SHANK2: variants seen among roughly 807,000 people sequenced by gnomAD.
SHANK2 encodes the protein SH3 and multiple ankyrin repeat domains 2, also known as SH3 and multiple ankyrin repeat domains protein 2.
In SHANK2, 43 loss-of-function variants were observed where a neutral mutation model predicts 133.7. The observed-to-expected ratio is 0.32, with a 90% CI of 0.25 to 0.41. The LOEUF (loss-of-function observed/expected upper bound fraction) is 0.41. SHANK2 is among the 10% of genes least tolerant of loss of function. The pLI is 1.00. For missense variants in SHANK2, 1,994 were observed against 2,235.8 expected (o/e 0.89, Z 2.18); for synonymous variants, 1,017 against 952.8 (o/e 1.07, Z -1.24).
At chr11:70,600,345 G>A (rs1213178075) in intron 17 of SHANK2, among the ~76,000 whole-genome samples, 1 of 150,174 alleles carries the variant, frequency 6.7e-6, no homozygotes, top group Non-Finnish European at 1.5e-5. Flanking sequence ...CTTGAACCTG[G>A]GAGGCGGAGG....
At chr11:70,657,613 G>T (rs538240831) in intron 17 of SHANK2, among the ~76,000 whole-genome samples, 1 of 152,154 alleles carries the variant, frequency 6.6e-6, no homozygotes, top group African/African-American at 2.4e-5. Flanking sequence ...GAGCAGCCTC[G>T]TAGGGCTGTG....
At chr11:70,711,566 C>A (rs922612897) in intron 14 of SHANK2, among the ~76,000 whole-genome samples, 3 of 152,234 alleles carry the variant, frequency 2.0e-5, no homozygotes, top group Admixed American at 6.5e-5. Context: ...TAGGAGTGTG[C>A]GGGGCTTGGA....
At chr11:70,531,399 G>T (rs2059468540) in intron 17 of SHANK2, among the ~76,000 whole-genome samples, 1 of 152,218 alleles carries the variant, frequency 6.6e-6, no homozygotes, top group African/African-American at 2.4e-5. Context: ...GCGCCCGGGG[G>T]CCTGAGCCTG....
At chr11:71,186,282 C>T (rs908131039) in intron 2 of SHANK2, among the ~76,000 whole-genome samples, 2 of 152,238 alleles carry the variant, frequency 1.3e-5, no homozygotes, top group Non-Finnish European at 1.5e-5. Flanking sequence ...CTCACCCCTA[C>T]TCCTGGAACC....
intron 17 of SHANK2, among the ~76,000 whole-genome samples, chr11:70,504,097 C>T (rs187074542): frequency 1.8e-4 from 27 of 152,332 alleles, no homozygotes; most frequent in Admixed American, 7.8e-4. Context: ...CTGCTTCACA[C>T]GCCACCTTCG....
chr11:70,523,831 C>T lies in SHANK2; in HGVS notation c.2062-20900G>A, dbSNP rs558557282. Reference sequence around the variant, plus strand: ...GAAGAGCATCATATGGAGGCAGAGTCGGAGAGCTGGGGTAGCTTCCTCTGA... The same window carrying T: ...GAAGAGCATCATATGGAGGCAGAGTTGGAGAGCTGGGGTAGCTTCCTCTGA... On this transcript the variant is annotated intron_variant, in intron 17 of 25. Transcript: ENST00000601538. Among the ~76,000 whole-genome samples, 7 of 152,246 alleles carry T rather than the reference C, an allele frequency of 4.6e-5. No homozygotes were observed. In the East Asian group the frequency reaches 5.8e-4, roughly 13 times the overall value.
chr11:71,250,130 G>GA (rs1555125612), intron 1 of SHANK2, among the ~76,000 whole-genome samples: 1 of 151,856 alleles, frequency 6.6e-6, no homozygotes, highest in African/African-American at 2.4e-5. Flanking sequence ...CCGGGGGTGG[G>GA]GGGGAATCTA....
chr11:70,931,619 G>A (rs1002251314), intron 10 of SHANK2, among the ~76,000 whole-genome samples: 39 of 152,324 alleles, frequency 2.6e-4, no homozygotes, highest in African/African-American at 7.5e-4. Context: ...CCAGCCCTTC[G>A]TAGGTCATCT....
intron 14 of SHANK2, among the ~76,000 whole-genome samples, chr11:70,740,055 C>T (rs1216639302): frequency 6.6e-6 from 1 of 151,832 alleles, no homozygotes; most frequent in African/African-American, 2.4e-5. Context: ...GCTCCGTCCA[C>T]AGCACCTAGG....
At chr11:71,153,095 AG>A (rs1284756507) in intron 2 of SHANK2, among the ~76,000 whole-genome samples, 2 of 152,170 alleles carry the variant, frequency 1.3e-5, no homozygotes, top group African/African-American at 2.4e-5. Context: ...TGGGAGAGCC[AG>A]GGGGGCTGGG....
At chr11:70,673,258 A>T (rs1020180067) in intron 15 of SHANK2, among the ~76,000 whole-genome samples, 1 of 152,042 alleles carries the variant, frequency 6.6e-6, no homozygotes, top group African/African-American at 2.4e-5. Flanking sequence ...GTCACACTGA[A>T]GCCTCAGCCT....
intron 11 of SHANK2, among the ~76,000 whole-genome samples, chr11:70,892,397 C>A (rs1949860681): frequency 6.6e-6 from 1 of 152,136 alleles, no homozygotes; most frequent in African/African-American, 2.4e-5. Flanking sequence ...CCCAGGAAGC[C>A]TCCTCTTCCC....
chr11:70,600,418 C>CAAAAAAAAAAAAA (rs56103044), intron 17 of SHANK2, among the ~76,000 whole-genome samples: 10 of 95,450 alleles, frequency 1.0e-4, no homozygotes, highest in Non-Finnish European at 2.1e-4. Context: ...GACTCTGTCT[C>CAAAAAAAAAAAAA]AAAAAAAAAA....
At chr11:71,230,523 C>T (rs1555122825) in intron 1 of SHANK2, among the ~76,000 whole-genome samples, 2 of 150,172 alleles carry the variant, frequency 1.3e-5, no homozygotes, top group African/African-American at 2.5e-5. Context: ...GAGCCGAGAT[C>T]GTGCTGCTGC....
At position 70,535,196 on chromosome 11, in the gene SHANK2, C is replaced by G. The variant is rs2059528283; in HGVS notation, c.2062-32265G>C. On this transcript the variant is annotated intron_variant, in intron 17 of 25. Coordinates refer to ENST00000601538, the MANE Select transcript of SHANK2 (RefSeq NM_012309.5). This position sits in a 1 kb window ranked among gnomAD's most constrained non-coding sequence, Gnocchi z 4.3. Reference sequence around the variant, plus strand: ...CCTCTATTATCCATTTTCCATCCATCTGCTCACCTAATCCATCTTCCCACA... The same window carrying G: ...CCTCTATTATCCATTTTCCATCCATGTGCTCACCTAATCCATCTTCCCACA... 6.6e-6 allele frequency among the ~76,000 whole-genome samples: 1 copy of G among 152,180 alleles called. No homozygotes were observed. The highest frequency in any genetic ancestry group is 1.5e-5 in the Non-Finnish European group (1 of 68,040).
intron 15 of SHANK2, among the ~76,000 whole-genome samples, chr11:70,697,425 G>A (rs1404069446): frequency 6.6e-6 from 1 of 152,186 alleles, no homozygotes; most frequent in East Asian, 1.9e-4. Context: ...TTCCATCTAC[G>A]CGCAGCACCG....
chr11:71,172,650 G>A (rs1228041682), intron 2 of SHANK2, among the ~76,000 whole-genome samples: 1 of 151,820 alleles, frequency 6.6e-6, no homozygotes, highest in Non-Finnish European at 1.5e-5. Flanking sequence ...AACACCGTGA[G>A]CAGCATCTTC....
intron 14 of SHANK2, among the ~76,000 whole-genome samples, chr11:70,721,971 G>A (rs550376133): frequency 7.2e-5 from 11 of 152,242 alleles, no homozygotes; most frequent in East Asian, 1.9e-4. Flanking sequence ...GGCAGGGCCC[G>A]TCGAGGTGTG....
At chr11:71,160,871 T>C (rs1953000510) in intron 2 of SHANK2, among the ~76,000 whole-genome samples, 1 of 152,212 alleles carries the variant, frequency 6.6e-6, no homozygotes, top group Admixed American at 6.5e-5. Context: ...GCAGCCTTCA[T>C]CCCTGGGCTG....
Sources: allele counts gnomAD v4.1 joint callset (sites outside exome capture counted in the v4.1 genomes callset), GRCh38; gene constraint gnomAD v4.1.1; non-coding constraint Gnocchi (gnomAD v3.1); transcripts MANE v1.5; gene names NCBI Gene and HGNC (gene_info 2026-07-23, HGNC 2026-07-21).